EMC2: variants seen among roughly 807,000 people sequenced by gnomAD.
EMC2 encodes TPR repeat protein 35.
In EMC2, 37 loss-of-function variants were observed where a neutral mutation model predicts 51.6. That is an observed-to-expected ratio of 0.72 (90% CI 0.55 to 0.94). The LOEUF (loss-of-function observed/expected upper bound fraction) is 0.94, where lower values mean the gene tolerates loss of function less well. Among genes scored for constraint, EMC2 ranks in the 40% least tolerant of loss-of-function variants. The pLI, the probability that EMC2 is intolerant of heterozygous loss-of-function variation, is 0.00. For missense variants in EMC2, 359 were observed against 350.9 expected, an observed-to-expected ratio of 1.02 and a Z score of -0.18; for synonymous variants, 131 against 112.4, an observed-to-expected ratio of 1.17 and a Z score of -1.04.
chr8:108,478,333 C>T (rs1046680635), intron 9 of EMC2, among the ~76,000 whole-genome samples: 6 of 151,850 alleles, frequency 4.0e-5, no homozygotes, highest in African/African-American at 9.7e-5. Flanking sequence ...AGATTAAGAA[C>T]CGCTCATTTA....
At position 108,488,231 on chromosome 8, in the gene EMC2, C is replaced by T. The variant is rs147688259; in HGVS notation, c.*1633C>T. ...CCAGGCTGGAGTGCAGTGACGTGAT[C>T]GCAGCTCACTGCAACCTCCTCCCGG... On this transcript the variant is annotated 3_prime_UTR_variant, in exon 11 of 11. Transcript: ENST00000220853. Among the ~76,000 whole-genome samples the T allele has an allele frequency of 2.6e-4, 38 of 148,442 alleles. No homozygotes were observed. The East Asian group carries it at 2.8e-3, about 11-fold the overall frequency.
intron 7 of EMC2, among the ~76,000 whole-genome samples, chr8:108,473,664 T>G (rs1049681680): frequency 1.2e-5 from 1 of 82,006 alleles, no homozygotes; most frequent in African/African-American, 6.6e-5. Flanking sequence ...CCTTTTAAAA[T>G]TCCATATCAA....
chr8:108,455,753 G>A, intron 4 of EMC2, 120 bp from the exon 5 acceptor site: 2 of 432,502 alleles, frequency 4.6e-6, no homozygotes, highest in African/African-American at 2.1e-5. Context: ...TGCATTTAAA[G>A]CAATTATAAA....
chr8:108,474,460 T>C (rs989354132), intron 7 of EMC2: 2 of 151,956 alleles, frequency 1.3e-5, no homozygotes, highest in African/African-American at 4.8e-5. Context: ...ATTTGTTCAG[T>C]CTTATTAAAT....
intron 5 of EMC2, 85 bp from the exon 6 acceptor site, chr8:108,469,741 T>G (rs1048234186): frequency 3.4e-5 from 37 of 1,104,268 alleles, no homozygotes; most frequent in South Asian, 1.1e-4. Context: ...GGCATTGAGA[T>G]AATAATTTGC....
In EMC2 at chr8:108,475,974, T is replaced by G. The variant is rs948040518; in HGVS notation, c.591+11T>G. 3.4e-6 allele frequency: 5 copies of G among 1,460,404 alleles called. No homozygotes were observed. Among genetic ancestry groups the G allele is most frequent in the Non-Finnish European group, 4.7e-6 (5 of 1,066,292 alleles). 90.5% of individuals were successfully genotyped at this position (1,460,404 alleles called of 1,614,324 possible). A position where few individuals can be genotyped will look rare whatever the true frequency, so the allele number is the denominator to read the frequency against. On this transcript the variant is annotated intron_variant, in intron 8 of 10. Coordinates refer to ENST00000220853, the MANE Select transcript of EMC2 (RefSeq NM_014673.5). ...CAGCAGTATGCTGAAGTAAGTGTTT[T>G]CAGAACAATGGCATATAATTTTATT...
intron 7 of EMC2, chr8:108,470,711 G>T (rs1352034079): frequency 6.6e-6 from 1 of 152,282 alleles, no homozygotes; most frequent in Non-Finnish European, 1.5e-5. Context: ...AGTGTGAGAG[G>T]ATTAGTCCAG....
At chr8:108,479,272 C>G (rs542275268) in intron 10 of EMC2, among the ~76,000 whole-genome samples, 162 bp downstream of exon 10, 1 of 152,112 alleles carries the variant, frequency 6.6e-6, no homozygotes, top group South Asian at 2.1e-4. Flanking sequence ...TTTAAGATTA[C>G]CTTTTTTTCC....
chr8:108,460,181 G>T (rs1531672), intron 5 of EMC2, among the ~76,000 whole-genome samples: 104,068 of 152,078 alleles, frequency 0.68, 36,168 homozygotes, highest in African/African-American at 0.81. Context: ...AAAATCGATG[G>T]AATTTAAGTC....
chr8:108,450,719 A>T (rs981100521), intron 3 of EMC2, among the ~76,000 whole-genome samples: 1 of 152,204 alleles, frequency 6.6e-6, no homozygotes, highest in Non-Finnish European at 1.5e-5. Flanking sequence ...AGATTTAGTT[A>T]CTGAAATTTA....
rs1423117304 is a variant in EMC2, at chr8:108,488,085, A to G, written c.*1487A>G. Among the ~76,000 whole-genome samples, 3 of 151,908 alleles carry G rather than the reference A, an allele frequency of 2.0e-5. No individual in the cohort carries two copies. The highest frequency in any genetic ancestry group is 4.4e-5 in the Non-Finnish European group (3 of 68,000). On this transcript the variant is annotated 3_prime_UTR_variant, in exon 11 of 11. Transcript: ENST00000220853. ...CCTTCAAACCTCCTCCCCGTCAGTC[A>G]CTGGATTAGTGTTTACTCTAGCAAT...
Position 108,489,123 on chromosome 8 carries a change from A to G in EMC2, c.*2525A>G, listed in dbSNP as rs1811195057. On this transcript the variant is annotated 3_prime_UTR_variant, in exon 11 of 11. Transcript: ENST00000220853. ...CCTGATATGGCATTGTTGAACACCC[A>G]AATCAAGATGAGCAATTGCCAAACT... Among the ~76,000 whole-genome samples, 1 of 152,198 alleles carries G rather than the reference A, an allele frequency of 6.6e-6. No homozygotes were observed. Among genetic ancestry groups the G allele is most frequent in the Non-Finnish European group, 1.5e-5 (1 of 68,032 alleles).
chr8:108,444,765 A>G (rs1018273809), intron 1 of EMC2, among the ~76,000 whole-genome samples: 6 of 152,176 alleles, frequency 3.9e-5, no homozygotes, highest in African/African-American at 1.4e-4. Context: ...CAGTATTTAT[A>G]CCTGAATTGA....
chr8:108,471,569 A>G (rs1285630010), intron 7 of EMC2, among the ~76,000 whole-genome samples: 1 of 151,834 alleles, frequency 6.6e-6, no homozygotes, highest in Non-Finnish European at 1.5e-5. Flanking sequence ...GCCCAAAATA[A>G]AATTATCTTC....
At chr8:108,462,222 T>TGTGTGTGTGTGTGTGTGTGTGTGC (rs71303986) in intron 5 of EMC2, among the ~76,000 whole-genome samples, 2 of 151,674 alleles carry the variant, frequency 1.3e-5, no homozygotes, top group East Asian at 1.9e-4. Flanking sequence ...TTTGTGTGCG[T>TGTGTGTGTGTGTGTGTGTGTGTGC]GTGTGTGTAT....
At chr8:108,450,371 C>T (rs957236862) in intron 2 of EMC2, 57 bp from the exon 3 acceptor site, 26 of 944,074 alleles carry the variant, frequency 2.8e-5, no homozygotes, top group Non-Finnish European at 4.1e-5. Flanking sequence ...CATTAATTTC[C>T]ATTTGGGTTT....
intron 9 of EMC2, among the ~76,000 whole-genome samples, chr8:108,478,613 A>C (rs545666857): frequency 6.6e-6 from 1 of 151,972 alleles, no homozygotes; most frequent in Admixed American, 6.6e-5. Flanking sequence ...TGATTCTGAC[A>C]TAGCAAGTTA....
chr8:108,461,414 A>G (rs1291207312), intron 5 of EMC2, among the ~76,000 whole-genome samples: 2 of 152,212 alleles, frequency 1.3e-5, no homozygotes, highest in Admixed American at 6.5e-5. Context: ...GCATGATGTG[A>G]TGAACATGCT....
chr8:108,461,819 T>C (rs11989497), intron 5 of EMC2, among the ~76,000 whole-genome samples: 103,614 of 151,632 alleles, frequency 0.68, 35,953 homozygotes, highest in African/African-American at 0.81. Context: ...GTCCTCCTTC[T>C]CTTAGGGAAG....
Sources: gnomAD v4.1 joint callset for allele counts (sites outside exome capture counted in the v4.1 genomes callset) on GRCh38, gnomAD v4.1.1 for gene constraint, MANE v1.5 for transcripts, NCBI Gene and HGNC (gene_info 2026-07-23, HGNC 2026-07-21) for gene names.